TPP2: variants seen among roughly 807,000 people sequenced by gnomAD.
The protein encoded by TPP2 is tripeptidyl-peptidase 2.
Under a neutral mutation model 155.9 loss-of-function variants are expected in TPP2, and 34 were observed. The ratio of observed to expected loss-of-function variants is 0.22; its 90% CI spans 0.17 to 0.29. TPP2 has a LOEUF of 0.29. Ranked by LOEUF, TPP2 falls within the 10% of genes least tolerant of loss-of-function variation. The pLI is 1.00. For synonymous variants in TPP2, 510 were observed against 529.4 expected, an observed-to-expected ratio of 0.96 and a Z score of 0.50; for missense variants, 1,028 against 1,522.3, an observed-to-expected ratio of 0.68 and a Z score of 5.40.
chr13:102,612,479 A>G (rs909087851), intron 2 of TPP2, among the ~76,000 whole-genome samples: 21 of 152,224 alleles, frequency 1.4e-4, no homozygotes, highest in African/African-American at 4.6e-4. Context: ...TAAGATACCA[A>G]CCTAAAATGG....
At chr13:102,668,600 C>G (rs778121336) in intron 27 of TPP2, among the ~76,000 whole-genome samples, 4 of 152,174 alleles carry the variant, frequency 2.6e-5, no homozygotes, top group South Asian at 2.1e-4. Flanking sequence ...TATGTTACCC[C>G]CTTCCAGCCA....
intron 16 of TPP2, among the ~76,000 whole-genome samples, chr13:102,642,002 A>G (rs1197562873): frequency 6.6e-6 from 1 of 152,222 alleles, no homozygotes; most frequent in Non-Finnish European, 1.5e-5. Context: ...AGCACAGAGT[A>G]GCGGCAAGGC....
Position 102,657,165 on chromosome 13 carries a change from T to TTAC in TPP2, c.3103_3105dup (p.Thr1035dup), listed in dbSNP as rs1380285103. On this transcript the variant is annotated inframe_insertion, in exon 25 of 30. Coordinates refer to ENST00000376052, the MANE Select transcript of TPP2 (RefSeq NM_001330588.2). ...AAAGAGAAAGATTTAAAAGAAGAGTTTACTGAAGCATTACGAGATCTTAAA... is the reference window on the plus strand; with the variant it reads ...AAAGAGAAAGATTTAAAAGAAGAGTTTACTACTGAAGCATTACGAGATCTTAAA... 7 of 1,592,582 alleles carry TTAC rather than the reference T, an allele frequency of 4.4e-6. No individual in the cohort carries two copies. Among genetic ancestry groups the TTAC allele is most frequent in the Non-Finnish European group, 5.1e-6 (6 of 1,174,716 alleles).
chr13:102,642,567 TGA>T (rs1297207935), intron 16 of TPP2, among the ~76,000 whole-genome samples: 2 of 152,212 alleles, frequency 1.3e-5, no homozygotes, highest in Non-Finnish European at 1.5e-5. Context: ...GACTAGGTTC[TGA>T]GAGCTCTCTG....
intron 1 of TPP2, among the ~76,000 whole-genome samples, chr13:102,603,843 A>G (rs1879613053): frequency 6.6e-6 from 1 of 150,468 alleles, no homozygotes; most frequent in Admixed American, 6.6e-5. Context: ...ATTACTTTTG[A>G]TGGGGCCAAG....
chr13:102,641,906 T>C (rs1475380103), intron 16 of TPP2, among the ~76,000 whole-genome samples: 1 of 152,158 alleles, frequency 6.6e-6, no homozygotes, highest in Non-Finnish European at 1.5e-5. Context: ...GGTGGTGAGC[T>C]ACTTAGACAA....
intron 3 of TPP2, among the ~76,000 whole-genome samples, chr13:102,615,042 TGATG>T (rs1480278321): frequency 6.6e-6 from 1 of 152,150 alleles, no homozygotes; most frequent in Non-Finnish European, 1.5e-5. Context: ...GAAGTGAGCT[TGATG>T]GATAAGATGT....
intron 1 of TPP2, among the ~76,000 whole-genome samples, chr13:102,603,945 C>T (rs1266396765): frequency 2.0e-5 from 3 of 152,066 alleles, no homozygotes; most frequent in African/African-American, 4.8e-5. Flanking sequence ...AGTGAAAATG[C>T]AATGGATTTG....
In TPP2 at chr13:102,678,127, C is replaced by T. The variant is rs186684313; in HGVS notation, c.3700-100C>T. On this transcript the variant is annotated intron_variant, in intron 29 of 29. Transcript: ENST00000376052. ...GGTGGAAGGAAGGTTCTATATGCTA[C>T]TACCTTACTGTTACTATTTAATACA... 64 of 1,148,844 alleles carry T rather than the reference C, an allele frequency of 5.6e-5. 1 individual carries two copies. The highest frequency in any genetic ancestry group is 2.4e-6 in the Non-Finnish European group (2 of 819,484). The allele number at this position is 1,148,844 out of a possible 1,614,324, so 71.2% of individuals were successfully genotyped here. A position where few individuals can be genotyped will look rare whatever the true frequency, so the allele number is the denominator to read the frequency against.
At position 102,662,658 on chromosome 13, in the gene TPP2, C is replaced by T. The variant is rs1884310660; in HGVS notation, c.3144-990C>T. ...GAATTAGTGTAAATTTTGTTGTCTACAAGTTAAATTTATTTTCATAGAAAG... is the reference window on the plus strand; with the variant it reads ...GAATTAGTGTAAATTTTGTTGTCTATAAGTTAAATTTATTTTCATAGAAAG... On this transcript the variant is annotated intron_variant, in intron 25 of 29. Coordinates refer to ENST00000376052, the MANE Select transcript of TPP2 (RefSeq NM_001330588.2). Among the ~76,000 whole-genome samples, 3 of 152,004 alleles carry T rather than the reference C, an allele frequency of 2.0e-5. No homozygotes were observed. In the South Asian group the frequency reaches 6.2e-4, roughly 32 times the overall value.
rs762258125 is a variant in TPP2 at position 102,651,417 on chromosome 13, A to T, written c.2991+20A>T. ...AAAAAGGTACTGATTGTCAGTTCTTAAAAAAGATGTCTTAAAGCCTTATTT... is the reference window on the plus strand; with the variant it reads ...AAAAAGGTACTGATTGTCAGTTCTTTAAAAAGATGTCTTAAAGCCTTATTT... On this transcript the variant is annotated intron_variant, in intron 24 of 29. Transcript: ENST00000376052. 49 of 1,567,224 alleles carry T rather than the reference A, an allele frequency of 3.1e-5. No individual in the cohort carries two copies. Among genetic ancestry groups the T allele is most frequent in the Admixed American group, 1.3e-4 (7 of 53,244 alleles).
chr13:102,615,429 T>A (rs1251308156), intron 3 of TPP2, among the ~76,000 whole-genome samples: 1 of 152,132 alleles, frequency 6.6e-6, no homozygotes, highest in Non-Finnish European at 1.5e-5. Flanking sequence ...GGACTACAGG[T>A]GTGAACCATT....
intron 24 of TPP2, among the ~76,000 whole-genome samples, chr13:102,656,412 C>A (rs1883860923): frequency 6.6e-6 from 1 of 152,130 alleles, no homozygotes; most frequent in African/African-American, 2.4e-5. Flanking sequence ...CTCATCTGCT[C>A]CTTGTTCATT....
intron 3 of TPP2, 54 bp from the exon 4 acceptor site, chr13:102,616,342 G>A: frequency 7.0e-7 from 1 of 1,431,472 alleles, no homozygotes; most frequent in Non-Finnish European, 9.7e-7. Flanking sequence ...GCCTGTCTAG[G>A]TTTACCTGAG....
chr13:102,614,276 A>G, intron 3 of TPP2, 80 bp downstream of exon 3: 1 of 1,247,090 alleles, frequency 8.0e-7, no homozygotes, highest in Non-Finnish European at 1.1e-6. Context: ...CTGAAGAAAA[A>G]GAAATATTTC....
intron 24 of TPP2, among the ~76,000 whole-genome samples, chr13:102,654,570 C>G (rs1449618360): frequency 2.0e-5 from 3 of 152,120 alleles, no homozygotes; most frequent in African/African-American, 7.2e-5. Context: ...ACCTCTGAGT[C>G]TGAGGAGGAA....
At chr13:102,623,794 G>C (rs1452259808) in intron 6 of TPP2, among the ~76,000 whole-genome samples, 1 of 152,106 alleles carries the variant, frequency 6.6e-6, no homozygotes, top group Non-Finnish European at 1.5e-5. Flanking sequence ...TTTGGTATCT[G>C]GGGGGATTGG....
At position 102,650,773 on chromosome 13, in the gene TPP2, A is replaced by G. The variant is rs566044740; in HGVS notation, c.2953-586A>G. 4.3e-4 allele frequency among the ~76,000 whole-genome samples: 65 copies of G among 152,310 alleles called. 2 individuals are homozygous for G. In the South Asian group the frequency reaches 0.013, roughly 31 times the overall value. ...CTTCCCAGTTACATTGTTTTAGGAG[A>G]CAATTGTGAAATTAAATTATAAATA... On this transcript the variant is annotated intron_variant, in intron 23 of 29. Transcript: ENST00000376052.
Position 102,674,302 on chromosome 13 carries a change from T to G in TPP2, c.3391T>G (p.Ser1131Ala). ...GTACAGTGACATGGACAAACAAAAA[T>G]CCACCCTCGTAGATGCCCTTTGTAG... Reference protein sequence around the residue: ...TIKNDMDKQKSTLVDALCRKG... With the variant: ...TIKNDMDKQKATLVDALCRKG... Residue 1131 changes from serine to alanine, a missense_variant, in exon 28 of 30, where the codon TCC (serine) becomes GCC (alanine). Physicochemically the swap from Ser to Ala is moderately conservative, Grantham distance 99. Around this residue, in one of 7 missense-constraint regions of TPP2, gnomAD observed 116 missense variants for 117.3 expected, o/e 0.99. Coordinates refer to ENST00000376052, the MANE Select transcript of TPP2 (RefSeq NM_001330588.2). 6.2e-7 allele frequency: 1 copy of G among 1,613,630 alleles called. No individual in the cohort carries two copies. Among genetic ancestry groups the G allele is most frequent in the Non-Finnish European group, 8.5e-7 (1 of 1,179,668 alleles).
Sources: gnomAD v4.1 joint callset for allele counts (sites outside exome capture counted in the v4.1 genomes callset) on GRCh38, gnomAD v4.1.1 for gene constraint, gnomAD v4.1.1 regional missense constraint, MANE v1.5 for transcripts, NCBI Gene and HGNC (gene_info 2026-07-23, HGNC 2026-07-21) for gene names.